The following GRM1 variants were observed in gnomAD, a reference collection of about 807,000 sequenced individuals.
GRM1 encodes the protein metabotropic glutamate receptor 1.
A neutral mutation model predicts 90.9 loss-of-function variants in GRM1; 33 were observed. The observed-to-expected ratio is 0.36, with a 90% CI of 0.28 to 0.49. GRM1 has a LOEUF of 0.49. Ranked by LOEUF, GRM1 falls within the 20% of genes least tolerant of loss-of-function variation. The pLI, the probability that GRM1 is intolerant of heterozygous loss-of-function variation, is 0.99. For missense variants in GRM1, 1,190 were observed against 1,534.3 expected (o/e 0.78, Z 3.75); for synonymous variants, 700 against 613.2 (o/e 1.14, Z -2.09).
At chr6:146,259,477 G>A (rs188148544) in intron 2 of GRM1, among the ~76,000 whole-genome samples, 144 of 152,238 alleles carry the variant, frequency 9.5e-4, no homozygotes, top group African/African-American at 3.4e-3. Context: ...CCCGCTGGCA[G>A]TGGCAGCCAC....
chr6:146,156,032 T>A (rs1394941870), intron 1 of GRM1, among the ~76,000 whole-genome samples: 1 of 152,166 alleles, frequency 6.6e-6, no homozygotes, highest in Admixed American at 6.5e-5. Context: ...GATATTTACT[T>A]GGTGTAGAGG....
At chr6:146,077,566 A>G (rs934925860) in intron 1 of GRM1, among the ~76,000 whole-genome samples, 6 of 152,242 alleles carry the variant, frequency 3.9e-5, no homozygotes, top group African/African-American at 1.4e-4. Flanking sequence ...ACAGATGTCA[A>G]CAGATTTCTG....
intron 2 of GRM1, among the ~76,000 whole-genome samples, chr6:146,190,414 G>A (rs2114579184): frequency 6.6e-6 from 1 of 152,208 alleles, no homozygotes; most frequent in African/African-American, 2.4e-5. Flanking sequence ...TAACCAAACT[G>A]GGGTCCATGA....
At chr6:146,319,053 C>T (rs576050547) in intron 3 of GRM1, among the ~76,000 whole-genome samples, 84 of 152,274 alleles carry the variant, frequency 5.5e-4, no homozygotes, top group Middle Eastern at 3.4e-3. Flanking sequence ...GTATTTTACT[C>T]ACAACGTCTT....
chr6:146,142,606 A>G (rs1020491059), intron 1 of GRM1, among the ~76,000 whole-genome samples: 10 of 152,128 alleles, frequency 6.6e-5, no homozygotes, highest in Middle Eastern at 6.8e-3. Context: ...CACTCAAGCC[A>G]CAAGACAAAG....
intron 3 of GRM1, among the ~76,000 whole-genome samples, chr6:146,327,879 A>G (rs1031954472): frequency 4.6e-5 from 7 of 152,142 alleles, no homozygotes; most frequent in African/African-American, 1.7e-4. Context: ...AGCTATTTGA[A>G]GAGAGATTTC....
chr6:146,325,551 A>G (rs1784373088), intron 3 of GRM1, among the ~76,000 whole-genome samples: 2 of 152,208 alleles, frequency 1.3e-5, no homozygotes, highest in Non-Finnish European at 2.9e-5. Flanking sequence ...TGGCTGTACC[A>G]TGCTCTCTTA....
At chr6:146,093,756 AGGACTG>A (rs1442623043) in intron 1 of GRM1, among the ~76,000 whole-genome samples, 8 of 152,072 alleles carry the variant, frequency 5.3e-5, no homozygotes, top group African/African-American at 1.9e-4. Flanking sequence ...TGCTCAATAA[AGGACTG>A]CCAGGAACAA....
chr6:146,412,540 G>A (rs529465024), intron 7 of GRM1, among the ~76,000 whole-genome samples: 44 of 152,220 alleles, frequency 2.9e-4, no homozygotes, highest in Middle Eastern at 6.8e-3. Context: ...GCATCATACT[G>A]TTCTAAGATA....
intron 1 of GRM1, among the ~76,000 whole-genome samples, chr6:146,043,057 G>A (rs1791174602): frequency 1.3e-5 from 2 of 151,900 alleles, no homozygotes. Context: ...CAGCACTTTG[G>A]AAAGCTAAGG....
chr6:146,410,115 T>C (rs565100821), intron 7 of GRM1, among the ~76,000 whole-genome samples: 16 of 152,298 alleles, frequency 1.1e-4, no homozygotes, highest in South Asian at 2.1e-4. Context: ...GTAATAAAAG[T>C]ACATTAAAAG....
intron 1 of GRM1, among the ~76,000 whole-genome samples, chr6:146,074,653 C>G (rs574377562): frequency 3.9e-5 from 6 of 152,146 alleles, no homozygotes; most frequent in Non-Finnish European, 8.8e-5. Context: ...AGAAGTTAGT[C>G]TCAAATGAAT....
chr6:146,415,894 T>C (rs552083774), intron 7 of GRM1, among the ~76,000 whole-genome samples: 6 of 152,304 alleles, frequency 3.9e-5, no homozygotes, highest in Non-Finnish European at 7.4e-5. Flanking sequence ...TGGGAAAATA[T>C]ATTGAATTAT....
chr6:146,273,537 G>A (rs1782245456), intron 2 of GRM1, among the ~76,000 whole-genome samples: 1 of 152,190 alleles, frequency 6.6e-6, no homozygotes, highest in Non-Finnish European at 1.5e-5. Flanking sequence ...ATCTGGCCAT[G>A]TTTTCAAAGA....
rs1392172398 is a variant in GRM1 at position 146,399,777 on chromosome 6, CTCTG to C, written c.2660+82_2660+85del. 1.3e-5 allele frequency: 12 copies of C among 940,264 alleles called. No individual in the cohort carries two copies. In the Admixed American group the frequency reaches 1.8e-4, roughly 14 times the overall value. The allele number at this position is 940,264 out of a possible 1,614,324, so 58.2% of individuals were successfully genotyped here. ...TCTCTCTCTCTCTCTCTCTCTCTTT[CTCTG>C]TCTCTCATATCTTCCTCTAGTTTTC... is the stretch of plus-strand genomic sequence containing the variant. On this transcript the variant is annotated intron_variant, in intron 7 of 7. Transcript: ENST00000282753. This position sits in a 1 kb window ranked among gnomAD's most constrained non-coding sequence, Gnocchi z 5.4.
rs1778597304 is a variant in GRM1 at position 146,436,465 on chromosome 6, T to C, written c.*1669T>C. On this transcript the variant is annotated 3_prime_UTR_variant, in exon 8 of 8. Coordinates refer to ENST00000282753, the MANE Select transcript of GRM1 (RefSeq NM_001278064.2). ...AGGTTATATCATTTTTTTAAAGATT[T>C]TCCACAGCTACTTGAGTGTCTAACA... The C allele has an allele frequency of 6.6e-6, 1 of 152,236 alleles. No homozygotes were observed. Among genetic ancestry groups the C allele is most frequent in the South Asian group, 2.1e-4 (1 of 4,832 alleles). 9.4% of individuals were successfully genotyped at this position (152,236 alleles called of 1,614,324 possible). A position where few individuals can be genotyped will look rare whatever the true frequency, so the allele number is the denominator to read the frequency against.
intron 2 of GRM1, among the ~76,000 whole-genome samples, chr6:146,263,674 C>T (rs1781776082): frequency 6.6e-6 from 1 of 151,950 alleles, no homozygotes; most frequent in Admixed American, 6.6e-5. Context: ...CATTTTGTAG[C>T]TTGATTATTT....
chr6:146,381,158 A>C (rs1231727763), intron 5 of GRM1, among the ~76,000 whole-genome samples: 1 of 152,162 alleles, frequency 6.6e-6, no homozygotes, highest in East Asian at 1.9e-4. Context: ...TGCCCCCACC[A>C]GTCCACTGTC....
chr6:146,282,386 C>G (rs938815594), intron 2 of GRM1, among the ~76,000 whole-genome samples: 1 of 151,968 alleles, frequency 6.6e-6, no homozygotes, highest in Non-Finnish European at 1.5e-5. Context: ...TATGTCTGAC[C>G]AGATGGTAGG....
Sources: gnomAD v4.1 joint callset for allele counts (sites outside exome capture counted in the v4.1 genomes callset) on GRCh38, gnomAD v4.1.1 for gene constraint, Gnocchi (gnomAD v3.1) non-coding constraint, MANE v1.5 for transcripts, NCBI Gene and HGNC (gene_info 2026-07-23, HGNC 2026-07-21) for gene names.